POLRMT: variants seen among roughly 807,000 people sequenced by gnomAD.
POLRMT encodes the protein RNA polymerase mitochondrial.
In POLRMT, 114 loss-of-function variants were observed where a neutral mutation model predicts 132.2. That is an observed-to-expected ratio of 0.86 (90% CI 0.74 to 1.01). The LOEUF is 1.01. Ranked by LOEUF, POLRMT falls within the 50% of genes least tolerant of loss-of-function variation. POLRMT has a pLI of 0.00. For synonymous variants in POLRMT, 1,020 were observed against 773.4 expected, an observed-to-expected ratio of 1.32 and a Z score of -5.29; for missense variants, 2,003 against 1,729.1, an observed-to-expected ratio of 1.16 and a Z score of -2.81.
At chr19:623,094 C>T in intron 6 of POLRMT, 109 bp from the exon 7 acceptor site, 1 of 1,338,356 alleles carries the variant, frequency 7.5e-7, no homozygotes, top group East Asian at 2.5e-5. Flanking sequence ...CCCTCAAGGT[C>T]CCTGCTGTGT....
rs748596528 is a variant in POLRMT, at chr19:619,630, G to A, written c.3022C>T (p.Leu1008=). 24 of 1,610,758 alleles carry A rather than the reference G, an allele frequency of 1.5e-5. No individual in the cohort carries two copies. Among genetic ancestry groups the A allele is most frequent in the Admixed American group, 3.3e-5 (2 of 59,988 alleles). Residue 1008 remains leucine (L), a synonymous_variant, in exon 13 of 21, where the codon CTG becomes TTG. Coordinates refer to ENST00000588649, the MANE Select transcript of POLRMT (RefSeq NM_005035.4). ...TCCCGGAGGCGCTTCTCAATCTGCA[G>A]GCGCCCGCCATAGCGCGTGACCCCG... is the stretch of plus-strand genomic sequence containing the variant. ...VYGVTRYGGR[L]QIEKRLRELS...
Position 617,263 on chromosome 19 carries a change from C to G in POLRMT, c.*11G>C, listed in dbSNP as rs1322016471. 6.2e-7 allele frequency: 1 copy of G among 1,612,648 alleles called. No homozygotes were observed. Among genetic ancestry groups the G allele is most frequent in the Non-Finnish European group, 8.5e-7 (1 of 1,179,820 alleles). ...GAGCTTTATTTACACACTGACAAGG[C>G]TCACGGGGTGTCAGCTGAAGAAGTA... On this transcript the variant is annotated 3_prime_UTR_variant, in exon 21 of 21. Coordinates refer to ENST00000588649, the MANE Select transcript of POLRMT (RefSeq NM_005035.4).
At chr19:623,396 G>C in intron 6 of POLRMT, 58 bp downstream of exon 6, 2 of 1,588,382 alleles carry the variant, frequency 1.3e-6, no homozygotes, top group Admixed American at 1.7e-5. Context: ...CCGTGCGGTG[G>C]ACACGCGACC....
rs367961697 is a variant in POLRMT at position 618,669 on chromosome 19, C to A, written c.3323+36G>T. On this transcript the variant is annotated intron_variant, in intron 16 of 20. Transcript: ENST00000588649. Reference sequence around the variant, plus strand: ...GTCTCCACCGTGGCTGCTCTCCAGACCCCCGGCCAGGCCCCAGCCCGGGCC... The same window carrying A: ...GTCTCCACCGTGGCTGCTCTCCAGAACCCCGGCCAGGCCCCAGCCCGGGCC... 9 of 1,604,042 alleles carry A rather than the reference C, an allele frequency of 5.6e-6. No individual in the cohort carries two copies. The East Asian group carries it at 1.1e-4, about 20-fold the overall frequency.
Position 617,253 on chromosome 19 carries a change from A to G in POLRMT, c.*21T>C, listed in dbSNP as rs760452657. On this transcript the variant is annotated 3_prime_UTR_variant, in exon 21 of 21. Coordinates refer to ENST00000588649, the MANE Select transcript of POLRMT (RefSeq NM_005035.4). ...GGTGGCAAAAGAGCTTTATTTACAC[A>G]CTGACAAGGCTCACGGGGTGTCAGC... The G allele has an allele frequency of 6.2e-7, 1 of 1,612,248 alleles. No homozygotes were observed. Among genetic ancestry groups the G allele is most frequent in the Non-Finnish European group, 8.5e-7 (1 of 1,179,660 alleles).
intron 15 of POLRMT, 37 bp from the exon 16 acceptor site, chr19:618,797 G>A (rs772714222): frequency 2.6e-6 from 4 of 1,562,172 alleles, no homozygotes; most frequent in South Asian, 1.2e-5. Flanking sequence ...CCCACCCGAG[G>A]CCCAGCACGG....
rs759664562 is a variant in POLRMT, at chr19:619,595, G to A, written c.3057C>T (p.Asp1019=). ...QIEKRLRELS[D]FPQEFVWEAS... ...GACATGCCTGGCGCACCTGGGGAAA[G>A]TCGCTCAGCTCCCGGAGGCGCTTCT... The change falls in exon 13 of 21, where the codon GAC becomes GAT. Residue 1019 remains aspartate (D), a synonymous_variant. Coordinates refer to ENST00000588649, the MANE Select transcript of POLRMT (RefSeq NM_005035.4). The A allele has an allele frequency of 3.5e-5, 56 of 1,611,264 alleles. No homozygotes were observed. The highest frequency in any genetic ancestry group is 4.2e-5 in the Non-Finnish European group (49 of 1,179,644).
rs781096359 is a variant in POLRMT at position 633,438 on chromosome 19, G to C, written c.75C>G (p.Leu25=). The change falls in exon 1 of 21, where the codon CTC becomes CTG. Residue 25 remains leucine, a synonymous_variant. Coordinates refer to ENST00000588649, the MANE Select transcript of POLRMT (RefSeq NM_005035.4). Reference sequence around the variant, plus strand: ...CCTTTGTGTTACCTTCTTTGCCGGGGAGTCCCGGGCGGCCGCAAGGCCGTA... The same window carrying C: ...CCTTTGTGTTACCTTCTTTGCCGGGCAGTCCCGGGCGGCCGCAAGGCCGTA... The part of the protein sequence containing the change: ...RALRPCGRPG[L]PGKEGTAGGV... 2 of 1,553,260 alleles carry C rather than the reference G, an allele frequency of 1.3e-6. No homozygotes were observed. Among genetic ancestry groups the C allele is most frequent in the African/African-American group, 1.4e-5 (1 of 70,272 alleles).
rs1985264162 is a variant in POLRMT, at chr19:629,688, C to G, written c.674G>C (p.Arg225Thr). ...SQAQLSGQQQ[R>T]LLAFFKCCLL... ...GCAGCACTTGAAGAAGGCCAGGAGC[C>G]TCTGCTGCTGACCTGAGAGCTGGGC... Residue 225 changes from arginine (R) to threonine (T), a missense_variant, in exon 3 of 21, where the codon AGG becomes ACG. Coordinates refer to ENST00000588649, the MANE Select transcript of POLRMT (RefSeq NM_005035.4). 6.2e-7 allele frequency: 1 copy of G among 1,607,844 alleles called. No individual in the cohort carries two copies. The highest frequency in any genetic ancestry group is 1.3e-5 in the African/African-American group (1 of 74,768).
intron 17 of POLRMT, chr19:618,152 C>G: frequency 7.1e-6 from 4 of 563,342 alleles, no homozygotes; most frequent in Middle Eastern, 4.7e-4. Flanking sequence ...CACCCCGCAT[C>G]CTGAGCATTC....
Position 624,133 on chromosome 19 carries a change from G to A in POLRMT, c.1141-530C>T, listed in dbSNP as rs41547917. On this transcript the variant is annotated intron_variant, in intron 5 of 20. Coordinates refer to ENST00000588649, the MANE Select transcript of POLRMT (RefSeq NM_005035.4). ...GGCACGGCGCGGCCATCCACGCACCGGAGCATGACTCAGCCCTGACCCAGG... is the reference window on the plus strand; with the variant it reads ...GGCACGGCGCGGCCATCCACGCACCAGAGCATGACTCAGCCCTGACCCAGG... 5.7e-3 allele frequency among the ~76,000 whole-genome samples: 864 copies of A among 152,266 alleles called. 2 individuals are homozygous for A. The highest frequency in any genetic ancestry group is 7.8e-3 in the Non-Finnish European group (530 of 68,020).
At position 620,507 on chromosome 19, in the gene POLRMT, G is replaced by C. The variant is rs199628582; in HGVS notation, c.2641-20C>G. ...TCGGCCCTGCGGGGACAGCGGATGG[G>C]GGGCAGTGAGGCCCGGGCCCGATCC... is the stretch of plus-strand genomic sequence containing the variant. On this transcript the variant is annotated intron_variant, in intron 10 of 20. Transcript: ENST00000588649. 6.5e-7 allele frequency: 1 copy of C among 1,548,482 alleles called. No homozygotes were observed. The highest frequency in any genetic ancestry group is 2.3e-5 in the East Asian group (1 of 43,358).
Position 618,775 on chromosome 19 carries a change from G to A in POLRMT, c.3268-15C>T, listed in dbSNP as rs1406675176. The stretch of plus-strand genomic sequence containing the variant: ...CCTCCTATTTGCTAAAAAGGGGAAG[G>A]GGCCGGTGAGTCCCACCCGAGGCCC... On this transcript the variant is annotated splice_polypyrimidine_tract_variant and intron_variant, in intron 15 of 20. Coordinates refer to ENST00000588649, the MANE Select transcript of POLRMT (RefSeq NM_005035.4). 7 of 1,586,058 alleles carry A rather than the reference G, an allele frequency of 4.4e-6. No individual in the cohort carries two copies. The highest frequency in any genetic ancestry group is 1.1e-5 in the South Asian group (1 of 87,848).
rs557907212 is a variant in POLRMT at position 619,526 on chromosome 19, C to G, written c.3066+60G>C. The G allele has an allele frequency of 2.6e-4, 420 of 1,593,922 alleles. 8 individuals carry two copies. The South Asian group carries it at 4.5e-3, about 17-fold the overall frequency. ...TGGGAGGCTGGGTCGGGGGCACACCCGTCTGAGTTTTAAATGGCAGTGAAA... is the reference window on the plus strand; with the variant it reads ...TGGGAGGCTGGGTCGGGGGCACACCGGTCTGAGTTTTAAATGGCAGTGAAA... On this transcript the variant is annotated intron_variant, in intron 13 of 20. Coordinates refer to ENST00000588649, the MANE Select transcript of POLRMT (RefSeq NM_005035.4).
rs1407295394 is a variant in POLRMT at position 621,225 on chromosome 19, G to A, written c.2473C>T (p.Leu825=). 1.2e-6 allele frequency: 2 copies of A among 1,609,518 alleles called. No individual in the cohort carries two copies. The highest frequency in any genetic ancestry group is 1.7e-6 in the Non-Finnish European group (2 of 1,178,118). ...HLGSDVARAL[L]EFAQGRPLGP... ...AGCGGGCGGCCCTGGGCGAACTCCA[G>A]CAGGGCCCGCGCCACGTCGCTGCCC... The change falls in exon 10 of 21, where the codon CTG becomes TTG. Residue 825 remains leucine, a synonymous_variant. Coordinates refer to ENST00000588649, the MANE Select transcript of POLRMT (RefSeq NM_005035.4).
chr19:620,293 T>C (rs565670442), intron 11 of POLRMT, 72 bp downstream of exon 11: 3 of 1,475,806 alleles, frequency 2.0e-6, no homozygotes, highest in African/African-American at 2.8e-5. Flanking sequence ...AGGTGAAATC[T>C]CACACCCTCA....
In POLRMT at chr19:617,340, G is replaced by A. The variant is rs752902236; in HGVS notation, c.3644-17C>T. 6.2e-7 allele frequency: 1 copy of A among 1,612,766 alleles called. No homozygotes were observed. The highest frequency in any genetic ancestry group is 1.7e-5 in the Admixed American group (1 of 60,032). On this transcript the variant is annotated splice_polypyrimidine_tract_variant and intron_variant, in intron 20 of 20. Coordinates refer to ENST00000588649, the MANE Select transcript of POLRMT (RefSeq NM_005035.4). ...CGAAGGCCCCTGCGGAGGAAGCAGA[G>A]CGGACGGCGTGGGTGGCGGGAAAGC...
At chr19:619,168 G>A (rs1568375427) in intron 14 of POLRMT, 42 bp downstream of exon 14, 4 of 1,610,266 alleles carry the variant, frequency 2.5e-6, no homozygotes, top group Non-Finnish European at 3.4e-6. Flanking sequence ...CCGTCCACTT[G>A]CTTAGGGAGT....
chr19:621,184 C>T lies in POLRMT; in HGVS notation c.2514G>A (p.Leu838=). The T allele has an allele frequency of 6.2e-7, 1 of 1,610,684 alleles. No individual in the cohort carries two copies. Among genetic ancestry groups the T allele is most frequent in the South Asian group, 1.1e-5 (1 of 91,032 alleles). ...AQGRPLGPHG[L]DWLKIHLVNL... ...TGACCAGGTGGATCTTGAGCCAATC[C>T]AGGCCGTGCGGGCCGAGCGGGCGGC... Residue 838 remains leucine, a synonymous_variant, in exon 10 of 21, where the codon CTG becomes CTA. Coordinates refer to ENST00000588649, the MANE Select transcript of POLRMT (RefSeq NM_005035.4).
Sources: allele counts gnomAD v4.1 joint callset (sites outside exome capture counted in the v4.1 genomes callset), GRCh38; gene constraint gnomAD v4.1.1; transcripts MANE v1.5; gene names NCBI Gene and HGNC (gene_info 2026-07-23, HGNC 2026-07-21).